PIK3CD: variants seen among roughly 807,000 people sequenced by gnomAD.
The protein encoded by PIK3CD is phosphatidylinositol-4,5-bisphosphate 3-kinase catalytic subunit delta, also known as phosphatidylinositol 4,5-bisphosphate 3-kinase catalytic subunit delta isoform.
PIK3CD carries 20 observed loss-of-function variants against 122.9 expected under a neutral mutation model. The ratio of observed to expected loss-of-function variants is 0.16; its 90% CI spans 0.11 to 0.24. PIK3CD has a LOEUF of 0.24. PIK3CD is among the 10% of genes least tolerant of loss of function. The pLI is 1.00. For synonymous variants in PIK3CD, 596 were observed against 593.4 expected (o/e 1.00, Z -0.06); for missense variants, 787 against 1,406.3 (o/e 0.56, Z 7.04).
intron 1 of PIK3CD, among the ~76,000 whole-genome samples, chr1:9,657,244 AACTT>A (rs929953062): frequency 6.6e-6 from 1 of 152,172 alleles, no homozygotes; most frequent in African/African-American, 2.4e-5. Context: ...CAAGATCCTT[AACTT>A]ACTTACATCT....
At chr1:9,627,379 C>G in the PIK3CD span, among the ~76,000 whole-genome samples, 1 of 152,254 alleles carries the variant, frequency 6.6e-6, no homozygotes, top group Non-Finnish European at 1.5e-5. Flanking sequence ...TTCACACCCG[C>G]GGAGATGGAA....
Position 9,727,808 on chromosome 1 carries a change from C to CTT in PIK3CD, c.*775_*776dup, listed in dbSNP as rs34570604. On this transcript the variant is annotated 3_prime_UTR_variant, in exon 24 of 24. Transcript: ENST00000377346. ...AATACTCTGCCATTATCTCAAAAATCTTTTTTTTTTTTTTGAGATGGGGTC... is the reference window on the plus strand; with the variant it reads ...AATACTCTGCCATTATCTCAAAAATCTTTTTTTTTTTTTTTTGAGATGGGGTC... 0.12 allele frequency: 20,881 copies of CTT among 169,860 alleles called. 1,988 individuals carry two copies. The highest frequency in any genetic ancestry group is 0.29 in the South Asian group (1,370 of 4,740). The allele number at this position is 169,860 out of a possible 1,614,324, so 10.5% of individuals were successfully genotyped here. A position where few individuals can be genotyped will look rare whatever the true frequency, so the allele number is the denominator to read the frequency against.
chr1:9,670,767 GT>G (rs936203540), intron 1 of PIK3CD, among the ~76,000 whole-genome samples: 148 of 151,364 alleles, frequency 9.8e-4, no homozygotes, highest in African/African-American at 3.5e-3. Flanking sequence ...TTTGTTTTTG[GT>G]TTTTTTTTAG....
chr1:9,684,909 T>C (rs544018786), intron 1 of PIK3CD, among the ~76,000 whole-genome samples: 2 of 151,220 alleles, frequency 1.3e-5, no homozygotes, highest in African/African-American at 4.8e-5. Flanking sequence ...AAGCTTTTTT[T>C]TTTTCTCTCT....
At chr1:9,695,202 C>T (rs981889078) in intron 2 of PIK3CD, among the ~76,000 whole-genome samples, 3 of 151,750 alleles carry the variant, frequency 2.0e-5, no homozygotes, top group Non-Finnish European at 4.4e-5. Flanking sequence ...GAAAGTAGAA[C>T]ACAAAGACTT....
chr1:9,637,156 C>T, the PIK3CD span, among the ~76,000 whole-genome samples: 2 of 152,144 alleles, frequency 1.3e-5, no homozygotes, highest in Admixed American at 1.3e-4. Context: ...CTTGGCCTCC[C>T]AAAGTGCTGG....
intron 1 of PIK3CD, among the ~76,000 whole-genome samples, chr1:9,686,007 G>T (rs72633862): frequency 0.019 from 2,820 of 152,260 alleles, 27 homozygotes; most frequent in Non-Finnish European, 0.028. Flanking sequence ...CTAGGATATT[G>T]GTGAGCATTT....
chr1:9,715,777 T>C lies in PIK3CD; in HGVS notation c.370+8T>C, dbSNP rs748564598. 1 of 1,612,270 alleles carries C rather than the reference T, an allele frequency of 6.2e-7. No individual in the cohort carries two copies. Among genetic ancestry groups the C allele is most frequent in the East Asian group, 2.2e-5 (1 of 44,874 alleles). ...GCCTCCTCATCGGCAAAGGTAGCTC[T>C]GCCGAGTGGGCCGTGTGGCCGGGCT... is the stretch of plus-strand genomic sequence containing the variant. On this transcript the variant is annotated splice_region_variant and intron_variant, in intron 4 of 23. Transcript: ENST00000377346. The surrounding 1 kb of genome is among the most constrained non-coding windows in gnomAD (Gnocchi z 4.1).
At chr1:9,645,290 A>G in the PIK3CD span, among the ~76,000 whole-genome samples, 1 of 151,914 alleles carries the variant, frequency 6.6e-6, no homozygotes, top group South Asian at 2.1e-4. Context: ...AAGTGCTGGG[A>G]TTAGAGGCGT....
At chr1:9,631,705 C>G in the PIK3CD span, among the ~76,000 whole-genome samples, 5 of 152,244 alleles carry the variant, frequency 3.3e-5, no homozygotes, top group African/African-American at 9.6e-5. Context: ...GCCTAATGGC[C>G]TAAAGGCCAG....
intron 1 of PIK3CD, among the ~76,000 whole-genome samples, chr1:9,683,639 T>C (rs867986944): frequency 6.6e-6 from 1 of 152,064 alleles, no homozygotes; most frequent in Non-Finnish European, 1.5e-5. Context: ...TGGGGTTGTT[T>C]TGAGGATTTT....
chr1:9,686,496 C>T (rs1645972890), intron 1 of PIK3CD, among the ~76,000 whole-genome samples: 1 of 151,998 alleles, frequency 6.6e-6, no homozygotes, highest in Non-Finnish European at 1.5e-5. Flanking sequence ...GCCACCGTGC[C>T]CGCCTTAATT....
At chr1:9,690,397 T>C (rs1012566383) in intron 1 of PIK3CD, among the ~76,000 whole-genome samples, 1 of 152,222 alleles carries the variant, frequency 6.6e-6, no homozygotes, top group African/African-American at 2.4e-5. Context: ...GGGCTTTCCT[T>C]ATGATCCTGT....
the PIK3CD span, among the ~76,000 whole-genome samples, chr1:9,629,280 C>T: frequency 6.6e-6 from 1 of 151,980 alleles, no homozygotes; most frequent in African/African-American, 2.4e-5. Flanking sequence ...GGGGTGCCTT[C>T]CCCCCAGGCT....
intron 5 of PIK3CD, 158 bp downstream of exon 5, chr1:9,716,236 C>T: frequency 2.4e-6 from 2 of 831,954 alleles, no homozygotes; most frequent in Non-Finnish European, 3.9e-6. Context: ...CTGAACGTCC[C>T]CCCAGGCAAG....
At chr1:9,698,085 A>G (rs1004425669) in intron 2 of PIK3CD, among the ~76,000 whole-genome samples, 1 of 152,214 alleles carries the variant, frequency 6.6e-6, no homozygotes, top group Non-Finnish European at 1.5e-5. Context: ...TAACTTTCCT[A>G]GAAATTAAAA....
At chr1:9,702,023 C>G (rs184406506) in intron 2 of PIK3CD, among the ~76,000 whole-genome samples, 4 of 150,016 alleles carry the variant, frequency 2.7e-5, no homozygotes, top group Middle Eastern at 3.4e-3. Context: ...GAGATGGAGT[C>G]TCACTCTGTT....
At chr1:9,680,772 G>A (rs1209478070) in intron 1 of PIK3CD, 1 of 152,266 alleles carries the variant, frequency 6.6e-6, no homozygotes, top group Non-Finnish European at 1.5e-5. Context: ...TGGCCCCACA[G>A]CAGGAACGCG....
chr1:9,715,827 C>A lies in PIK3CD; in HGVS notation c.371-22C>A, dbSNP rs753180327. 2.7e-6 allele frequency: 4 copies of A among 1,490,688 alleles called. No individual in the cohort carries two copies. In the Admixed American group the frequency reaches 5.0e-5, roughly 19 times the overall value. The allele number at this position is 1,490,688 out of a possible 1,614,324, so 92.3% of individuals were successfully genotyped here. A position where few individuals can be genotyped will look rare whatever the true frequency, so the allele number is the denominator to read the frequency against. ...TGGCCCTGCCTGCCCCACCCGCTGACCCAGCCCTCCCCACCCCGCAGGCCT... is the reference window on the plus strand; with the variant it reads ...TGGCCCTGCCTGCCCCACCCGCTGAACCAGCCCTCCCCACCCCGCAGGCCT... On this transcript the variant is annotated intron_variant, in intron 4 of 23. Coordinates refer to ENST00000377346, the MANE Select transcript of PIK3CD (RefSeq NM_005026.5). This position sits in a 1 kb window ranked among gnomAD's most constrained non-coding sequence, Gnocchi z 4.1.
Sources: gnomAD v4.1 joint callset for allele counts (sites outside exome capture counted in the v4.1 genomes callset) on GRCh38, gnomAD v4.1.1 for gene constraint, Gnocchi (gnomAD v3.1) non-coding constraint, MANE v1.5 for transcripts, NCBI Gene and HGNC (gene_info 2026-07-23, HGNC 2026-07-21) for gene names.